Variants in PAK2 observed in about 807,000 individuals in gnomAD.
The protein encoded by PAK2 is serine/threonine-protein kinase PAK 2.
PAK2 carries 21 observed loss-of-function variants against 65.9 expected under a neutral mutation model. The observed-to-expected ratio is 0.32, with a 90% CI of 0.23 to 0.46. The LOEUF (loss-of-function observed/expected upper bound fraction) is 0.46. PAK2 is among the 20% of genes least tolerant of loss of function. The pLI, the probability that PAK2 is intolerant of heterozygous loss-of-function variation, is 1.00. For synonymous variants in PAK2, 204 were observed against 219.7 expected (o/e 0.93, Z 0.63); for missense variants, 324 against 642.6 (o/e 0.50, Z 5.36).
At chr3:196,816,241 AT>A in intron 11 of PAK2, among the ~76,000 whole-genome samples, 1 of 152,116 alleles carries the variant, frequency 6.6e-6, no homozygotes. Flanking sequence ...ATACATATAT[AT>A]TTCCCTTTTC....
intron 1 of PAK2, among the ~76,000 whole-genome samples, chr3:196,778,626 C>T (rs1232565425): frequency 6.6e-6 from 1 of 152,176 alleles, no homozygotes; most frequent in East Asian, 1.9e-4. Context: ...ACATTGGTAC[C>T]TCACTGTTAA....
At chr3:196,816,005 A>T (rs1716017077) in intron 11 of PAK2, among the ~76,000 whole-genome samples, 1 of 152,208 alleles carries the variant, frequency 6.6e-6, no homozygotes, top group Non-Finnish European at 1.5e-5. Flanking sequence ...TTGCCAATTT[A>T]AGCCAAAAAT....
intron 9 of PAK2, 57 bp downstream of exon 9, chr3:196,812,324 C>A: frequency 1.0e-6 from 1 of 1,000,322 alleles, no homozygotes; most frequent in Non-Finnish European, 1.6e-6. Context: ...TAGGTGGAAA[C>A]TAGATGAAGC....
intron 1 of PAK2, among the ~76,000 whole-genome samples, chr3:196,779,257 A>G (rs1714631679): frequency 6.6e-6 from 1 of 152,186 alleles, no homozygotes; most frequent in African/African-American, 2.4e-5. Context: ...TTGGGTCGTA[A>G]TCTAATAGTA....
intron 2 of PAK2, among the ~76,000 whole-genome samples, chr3:196,797,716 A>T (rs7645527): frequency 0.44 from 66,638 of 151,376 alleles, 16,225 homozygotes; most frequent in East Asian, 0.67. Context: ...GTGCCACTGC[A>T]CTCCAGCCTG....
chr3:196,753,970 A>G (rs1323104804), intron 1 of PAK2, among the ~76,000 whole-genome samples: 2 of 152,144 alleles, frequency 1.3e-5, no homozygotes, highest in Admixed American at 6.5e-5. Flanking sequence ...TGTAATTATT[A>G]GGTTGGCTCA....
intron 2 of PAK2, among the ~76,000 whole-genome samples, chr3:196,786,534 A>G (rs777602892): frequency 1.8e-4 from 28 of 152,042 alleles, no homozygotes; most frequent in African/African-American, 6.5e-4. Flanking sequence ...TCATAAAGAC[A>G]TTTTCCTGTA....
chr3:196,749,091 T>G (rs1010489403), intron 1 of PAK2, among the ~76,000 whole-genome samples: 17 of 146,340 alleles, frequency 1.2e-4, no homozygotes, highest in African/African-American at 2.5e-4. Context: ...CTTTTTTTTT[T>G]GGGTGAATAG....
At chr3:196,748,875 C>T (rs899568757) in intron 1 of PAK2, among the ~76,000 whole-genome samples, 4 of 152,134 alleles carry the variant, frequency 2.6e-5, no homozygotes, top group African/African-American at 9.7e-5. Flanking sequence ...GTGCAATTAT[C>T]ACCACCATCC....
intron 4 of PAK2, among the ~76,000 whole-genome samples, chr3:196,804,824 T>TATAC (rs1560110374): frequency 7.5e-3 from 84 of 11,220 alleles, no homozygotes; most frequent in African/African-American, 0.029. Context: ...TATATATATA[T>TATAC]ACACATATAT....
chr3:196,788,501 C>G (rs990957374), intron 2 of PAK2, among the ~76,000 whole-genome samples: 1 of 152,122 alleles, frequency 6.6e-6, no homozygotes, highest in Non-Finnish European at 1.5e-5. Context: ...TTTAAGGCAA[C>G]TTGACAGAAC....
At chr3:196,826,339 T>A (rs112231260) in intron 13 of PAK2, among the ~76,000 whole-genome samples, 9,225 of 151,824 alleles carry the variant, frequency 0.061, 311 homozygotes, top group Middle Eastern at 0.12. Context: ...GCCCGGCTAA[T>A]TTTTTGTATT....
At chr3:196,749,203 G>A (rs1328467309) in intron 1 of PAK2, among the ~76,000 whole-genome samples, 5 of 151,902 alleles carry the variant, frequency 3.3e-5, no homozygotes, top group African/African-American at 9.7e-5. Flanking sequence ...ATGCTACTAC[G>A]AACATGGGTG....
At position 196,816,131 on chromosome 3, in the gene PAK2, A is replaced by G. The variant is rs184993808; in HGVS notation, c.1053+1563A>G. 8.6e-5 allele frequency among the ~76,000 whole-genome samples: 13 copies of G among 151,822 alleles called. No homozygotes were observed. In the East Asian group the frequency reaches 2.5e-3, roughly 29 times the overall value. On this transcript the variant is annotated intron_variant, in intron 11 of 14. Transcript: ENST00000327134. ...CATAGGAATCACTGTCACAAAGGGC[A>G]AAACTTTAAGTTTATAAGACTATAT...
In PAK2 at chr3:196,830,913, G is replaced by A. The variant is rs1278414622; in HGVS notation, c.*2508G>A. ...TTATTTTTATTTTTTTTGATACAGA[G>A]TCTCACTCTGTCACTCAGGCTGGAG... On this transcript the variant is annotated 3_prime_UTR_variant, in exon 15 of 15. Transcript: ENST00000327134. 1.3e-5 allele frequency: 2 copies of A among 152,014 alleles called. No individual in the cohort carries two copies. Among genetic ancestry groups the A allele is most frequent in the African/African-American group, 2.4e-5 (1 of 41,384 alleles). 9.4% of individuals were successfully genotyped at this position (152,014 alleles called of 1,614,324 possible).
chr3:196,751,696 A>ATATATAATTACC (rs1713603033), intron 1 of PAK2, among the ~76,000 whole-genome samples: 2 of 72,636 alleles, frequency 2.8e-5, no homozygotes, highest in Admixed American at 1.6e-4. Context: ...TATATATATA[A>ATATATAATTACC]TTCAGGCTAT....
chr3:196,793,564 T>A (rs902656174), intron 2 of PAK2, among the ~76,000 whole-genome samples: 1 of 151,906 alleles, frequency 6.6e-6, no homozygotes, highest in Non-Finnish European at 1.5e-5. Flanking sequence ...CCTTTATAAA[T>A]GAGAGGGAGA....
chr3:196,806,532 T>C, intron 5 of PAK2, 47 bp from the exon 6 acceptor site: 1 of 1,157,070 alleles, frequency 8.6e-7, no homozygotes, highest in Non-Finnish European at 1.3e-6. Context: ...TAGTCGCATT[T>C]AAGCCTATTG....
At chr3:196,756,347 A>G (rs751270304) in intron 1 of PAK2, among the ~76,000 whole-genome samples, 2 of 152,066 alleles carry the variant, frequency 1.3e-5, no homozygotes, top group African/African-American at 2.4e-5. Flanking sequence ...TCAAAAAGCA[A>G]TTCTGGGTTT....
Sources: gnomAD v4.1 joint callset for allele counts (sites outside exome capture counted in the v4.1 genomes callset) on GRCh38, gnomAD v4.1.1 for gene constraint, MANE v1.5 for transcripts, NCBI Gene and HGNC (gene_info 2026-07-23, HGNC 2026-07-21) for gene names.